Variants in WDR45B observed in about 807,000 individuals in gnomAD.
WDR45B encodes the protein WD repeat domain phosphoinositide-interacting protein 3.
Under a neutral mutation model 44.6 loss-of-function variants are expected in WDR45B, and 20 were observed. That is an observed-to-expected ratio of 0.45 (90% confidence interval 0.32 to 0.65). WDR45B has a LOEUF of 0.65. Ranked by LOEUF, WDR45B falls within the 30% of genes least tolerant of loss-of-function variation. WDR45B has a pLI of 0.05. For synonymous variants in WDR45B, 169 were observed against 164.9 expected (o/e 1.02, Z -0.19); for missense variants, 323 against 430.2 (o/e 0.75, Z 2.20).
At chr17:82,643,142 G>T (rs1345738364) in intron 2 of WDR45B, among the ~76,000 whole-genome samples, 2 of 152,120 alleles carry the variant, frequency 1.3e-5, no homozygotes, top group African/African-American at 4.8e-5. Flanking sequence ...CACGTACAAA[G>T]AAAGTGAGGT....
At chr17:82,640,164 C>A (rs1032212947) in intron 2 of WDR45B, among the ~76,000 whole-genome samples, 1 of 152,150 alleles carries the variant, frequency 6.6e-6, no homozygotes, top group African/African-American at 2.4e-5. Context: ...TATCTGGAAA[C>A]AGCAGCCTGC....
chr17:82,641,712 C>T (rs2045918384), intron 2 of WDR45B, among the ~76,000 whole-genome samples: 1 of 152,106 alleles, frequency 6.6e-6, no homozygotes, highest in Non-Finnish European at 1.5e-5. Context: ...CTGGCTAACA[C>T]AGTGAAACAC....
chr17:82,623,445 T>C (rs1170441169), intron 5 of WDR45B, among the ~76,000 whole-genome samples: 1 of 146,288 alleles, frequency 6.8e-6, no homozygotes, highest in Non-Finnish European at 1.5e-5. Flanking sequence ...CTCACGCCTG[T>C]AATCCCAGCA....
chr17:82,623,373 C>T lies in WDR45B; in HGVS notation c.428-1574G>A, dbSNP rs1354336928. 2.7e-5 allele frequency among the ~76,000 whole-genome samples: 3 copies of T among 110,246 alleles called. No homozygotes were observed. The South Asian group carries it at 8.8e-4, about 32-fold the overall frequency. The allele number at this position is 110,246 out of a possible 152,430, so 72.3% of individuals were successfully genotyped here. ...CTGCACTCCAGCCTGGGCAACAGAG[C>T]GAGACTCTATCTCCAAAAAAAAAAA... On this transcript the variant is annotated intron_variant, in intron 5 of 9. Transcript: ENST00000392325.
chr17:82,643,885 G>T, intron 2 of WDR45B, 64 bp downstream of exon 2: 1 of 1,439,228 alleles, frequency 6.9e-7, no homozygotes, highest in Non-Finnish European at 9.2e-7. Flanking sequence ...CACCTGCAAG[G>T]TTAAATTTAA....
chr17:82,647,662 GA>G (rs2045996815), intron 1 of WDR45B, among the ~76,000 whole-genome samples: 1 of 147,754 alleles, frequency 6.8e-6, no homozygotes, highest in Non-Finnish European at 1.5e-5. Flanking sequence ...TGGGGGTGGG[GA>G]GAGTGACATT....
At chr17:82,619,224 A>G in intron 6 of WDR45B, 96 bp from the exon 7 acceptor site, 1 of 1,181,904 alleles carries the variant, frequency 8.5e-7, no homozygotes, top group Non-Finnish European at 1.2e-6. Flanking sequence ...TAGTCCACAC[A>G]AGCCTTTCTC....
chr17:82,614,957 G>A lies in WDR45B; in HGVS notation c.*962C>T, dbSNP rs1020754744. The stretch of plus-strand genomic sequence containing the variant: ...GTAGCTATTCTTACAAATGAGGGGA[G>A]GGGAGACGGTGGACCTGGGGGCTCG... On this transcript the variant is annotated 3_prime_UTR_variant, in exon 10 of 10. Coordinates refer to ENST00000392325, the MANE Select transcript of WDR45B (RefSeq NM_019613.4). The A allele has an allele frequency of 6.6e-6, 1 of 152,212 alleles. No homozygotes were observed. Among genetic ancestry groups the A allele is most frequent in the Non-Finnish European group, 1.5e-5 (1 of 68,044 alleles). The allele number at this position is 152,212 out of a possible 1,614,324, so 9.4% of individuals were successfully genotyped here.
chr17:82,648,341 G>A lies in WDR45B; in HGVS notation c.-1C>T. 1 of 1,605,960 alleles carries A rather than the reference G, an allele frequency of 6.2e-7. No individual in the cohort carries two copies. Among genetic ancestry groups the A allele is most frequent in the Non-Finnish European group, 8.5e-7 (1 of 1,177,692 alleles). ...GAGGGTTACACGGCAGGAGGTTCATGGCGCCGCCGTGCTGGGTCGCCGCTC... is the reference window on the plus strand; with the variant it reads ...GAGGGTTACACGGCAGGAGGTTCATAGCGCCGCCGTGCTGGGTCGCCGCTC... On this transcript the variant is annotated 5_prime_UTR_variant, in exon 1 of 10. Coordinates refer to ENST00000392325, the MANE Select transcript of WDR45B (RefSeq NM_019613.4).
intron 2 of WDR45B, among the ~76,000 whole-genome samples, chr17:82,641,940 C>G (rs2045921944): frequency 6.8e-6 from 1 of 146,402 alleles, no homozygotes; most frequent in Admixed American, 7.0e-5. Context: ...TTCTGTAACA[C>G]ATGTGGGAAA....
intron 1 of WDR45B, chr17:82,644,562 G>A: frequency 5.5e-6 from 1 of 180,318 alleles, no homozygotes; most frequent in Non-Finnish European, 1.2e-5. Flanking sequence ...AGTTACCCAG[G>A]TCACTCATCC....
intron 2 of WDR45B, among the ~76,000 whole-genome samples, chr17:82,643,371 T>TGCAATGAGCCGAGGTC (rs2045939880): frequency 6.6e-6 from 1 of 151,378 alleles, no homozygotes; most frequent in Admixed American, 6.6e-5. Context: ...AGGCGGAGGT[T>TGCAATGAGCCGAGGTC]GCAATGAGCC....
chr17:82,620,328 G>A (rs1415566403), intron 6 of WDR45B, among the ~76,000 whole-genome samples: 1 of 152,220 alleles, frequency 6.6e-6, no homozygotes. Flanking sequence ...AGCTACTCGG[G>A]AGGTGGAGGC....
intron 2 of WDR45B, among the ~76,000 whole-genome samples, chr17:82,632,115 C>CA (rs1237495135): frequency 2.0e-5 from 3 of 151,808 alleles, no homozygotes; most frequent in Non-Finnish European, 4.4e-5. Flanking sequence ...AAAAACAAAC[C>CA]AAAAAAACCC....
intron 4 of WDR45B, 73 bp from the exon 5 acceptor site, chr17:82,625,556 T>C: frequency 1.5e-6 from 2 of 1,359,998 alleles, no homozygotes; most frequent in Non-Finnish European, 2.1e-6. Context: ...CCTGTTCTTA[T>C]CATACTGAAA....
chr17:82,623,387 C>CAAAAAAAAAAAAAAAAAAAA (rs59311520), intron 5 of WDR45B, among the ~76,000 whole-genome samples: 1 of 99,456 alleles, frequency 1.0e-5, no homozygotes, highest in Non-Finnish European at 2.1e-5. Flanking sequence ...ACTCTATCTC[C>CAAAAAAAAAAAAAAAAAAAA]AAAAAAAAAA....
chr17:82,639,877 T>TGTC, intron 2 of WDR45B, among the ~76,000 whole-genome samples: 1 of 97,338 alleles, frequency 1.0e-5, no homozygotes, highest in Non-Finnish European at 2.1e-5. Context: ...GAGCTGTGTG[T>TGTC]GGGTCGGGAG....
intron 2 of WDR45B, among the ~76,000 whole-genome samples, chr17:82,639,269 C>G (rs1159091875): frequency 1.3e-5 from 2 of 152,012 alleles, no homozygotes; most frequent in Non-Finnish European, 2.9e-5. Context: ...CATGAAGCAC[C>G]ATTTTGAGGA....
chr17:82,632,681 C>A (rs1258851207), intron 2 of WDR45B, among the ~76,000 whole-genome samples: 1 of 152,116 alleles, frequency 6.6e-6, no homozygotes, highest in Non-Finnish European at 1.5e-5. Flanking sequence ...TCTCTCCAGT[C>A]ACAGCTGCAC....
Sources: gnomAD v4.1 joint callset for allele counts (sites outside exome capture counted in the v4.1 genomes callset) on GRCh38, gnomAD v4.1.1 for gene constraint, MANE v1.5 for transcripts, NCBI Gene and HGNC (gene_info 2026-07-23, HGNC 2026-07-21) for gene names.